Variants in CNTN5 observed in about 807,000 individuals in gnomAD.
CNTN5 encodes the protein contactin-5.
CNTN5 carries 77 observed loss-of-function variants against 129.1 expected under a neutral mutation model. The ratio of observed to expected loss-of-function variants is 0.60; its 90% CI spans 0.50 to 0.72. The LOEUF is 0.72. Ranked by LOEUF, CNTN5 falls within the 30% of genes least tolerant of loss-of-function variation. CNTN5 has a pLI of 0.00. For missense variants in CNTN5, 1,478 were observed against 1,328.8 expected (o/e 1.11, Z -1.75); for synonymous variants, 509 against 465.6 (o/e 1.09, Z -1.20).
intron 1 of CNTN5, among the ~76,000 whole-genome samples, chr11:99,246,834 A>T (rs1861836927): frequency 6.6e-6 from 1 of 152,176 alleles, no homozygotes; most frequent in Non-Finnish European, 1.5e-5. Flanking sequence ...TACTAATCAT[A>T]GGCTAGTCTC....
chr11:99,078,287 T>A (rs1865656353), intron 1 of CNTN5, among the ~76,000 whole-genome samples: 1 of 152,190 alleles, frequency 6.6e-6, no homozygotes, highest in Non-Finnish European at 1.5e-5. Context: ...GAATAGATAT[T>A]TTAAATTGTT....
intron 3 of CNTN5, among the ~76,000 whole-genome samples, chr11:99,588,733 C>A (rs1413247443): frequency 1.3e-5 from 2 of 152,240 alleles, no homozygotes; most frequent in East Asian, 3.9e-4. Context: ...TATTTACCTT[C>A]AGAAATCAGG....
chr11:100,003,788 C>T (rs1282314861), intron 9 of CNTN5: 1 of 152,006 alleles, frequency 6.6e-6, no homozygotes, highest in Admixed American at 6.6e-5. Flanking sequence ...TCTTTGCTAC[C>T]CAACTCTCAA....
intron 1 of CNTN5, among the ~76,000 whole-genome samples, chr11:99,293,046 TAAG>T (rs1372284434): frequency 2.0e-5 from 3 of 152,198 alleles, no homozygotes; most frequent in African/African-American, 7.2e-5. Flanking sequence ...CACCATTCAA[TAAG>T]AAGTTAACTG....
At chr11:99,981,467 G>T (rs1938345784) in intron 8 of CNTN5, among the ~76,000 whole-genome samples, 1 of 152,078 alleles carries the variant, frequency 6.6e-6, no homozygotes, top group Non-Finnish European at 1.5e-5. Context: ...ATTGAATGGT[G>T]CCTGCCTACA....
chr11:99,635,611 A>G (rs1009490779), intron 3 of CNTN5, among the ~76,000 whole-genome samples: 9 of 152,098 alleles, frequency 5.9e-5, no homozygotes, highest in South Asian at 2.1e-4. Flanking sequence ...TTTGAATCCC[A>G]GGGATGTGGT....
intron 3 of CNTN5, among the ~76,000 whole-genome samples, chr11:99,560,179 A>G (rs1948794581): frequency 1.3e-5 from 2 of 152,064 alleles, no homozygotes; most frequent in South Asian, 4.1e-4. Context: ...AGCATGGAGT[A>G]AACCATAATG....
At chr11:100,305,540 G>T (rs1319288392) in intron 20 of CNTN5, among the ~76,000 whole-genome samples, 1 of 151,680 alleles carries the variant, frequency 6.6e-6, no homozygotes, top group East Asian at 2.0e-4. Flanking sequence ...TATGACTAAA[G>T]ACCCACTGCC....
chr11:99,469,695 C>T (rs542041587), intron 2 of CNTN5, among the ~76,000 whole-genome samples: 2 of 152,034 alleles, frequency 1.3e-5, no homozygotes, highest in Non-Finnish European at 2.9e-5. Context: ...CTTTGTAGTG[C>T]TAGTTTTGTC....
chr11:99,868,435 T>C (rs987604897), intron 6 of CNTN5, among the ~76,000 whole-genome samples: 3 of 152,180 alleles, frequency 2.0e-5, no homozygotes, highest in African/African-American at 7.2e-5. Context: ...CATCCTCATT[T>C]TGTGTTGATA....
At chr11:99,209,628 C>A (rs1364309637) in intron 1 of CNTN5, among the ~76,000 whole-genome samples, 1 of 152,118 alleles carries the variant, frequency 6.6e-6, no homozygotes, top group Non-Finnish European at 1.5e-5. Flanking sequence ...AGAGAACAAA[C>A]ATCAAAACCA....
chr11:99,433,210 C>G (rs1943460727), intron 2 of CNTN5, among the ~76,000 whole-genome samples: 1 of 151,982 alleles, frequency 6.6e-6, no homozygotes. Flanking sequence ...GCAGAGAAAG[C>G]AAGGTCCTCT....
intron 9 of CNTN5, among the ~76,000 whole-genome samples, chr11:100,024,805 T>G (rs1019587884): frequency 1.3e-5 from 2 of 152,180 alleles, no homozygotes; most frequent in Admixed American, 1.3e-4. Context: ...AGCACAATGT[T>G]CAAGAGGTGA....
At chr11:100,178,800 C>A (rs1196461595) in intron 13 of CNTN5, among the ~76,000 whole-genome samples, 2 of 152,136 alleles carry the variant, frequency 1.3e-5, no homozygotes, top group Non-Finnish European at 2.9e-5. Context: ...CTATCTTGGT[C>A]ACTGGAGAGG....
chr11:100,041,497 T>G (rs1347258127), intron 9 of CNTN5, among the ~76,000 whole-genome samples: 1 of 152,218 alleles, frequency 6.6e-6, no homozygotes, highest in Admixed American at 6.5e-5. Flanking sequence ...TTCTCTTGGC[T>G]ACTTTCAAAC....
intron 9 of CNTN5, among the ~76,000 whole-genome samples, chr11:100,041,154 C>T (rs1161138828): frequency 6.6e-6 from 1 of 152,140 alleles, no homozygotes; most frequent in Non-Finnish European, 1.5e-5. Flanking sequence ...CTCTTTTTCT[C>T]TCACAGCTCC....
intron 2 of CNTN5, among the ~76,000 whole-genome samples, chr11:99,390,689 A>T (rs1049354811): frequency 1.4e-4 from 22 of 152,128 alleles, no homozygotes; most frequent in Admixed American, 3.9e-4. Flanking sequence ...TTCGTTCTTA[A>T]ATAAACTGAA....
chr11:100,038,218 G>T (rs747418966), intron 9 of CNTN5, among the ~76,000 whole-genome samples: 4 of 152,016 alleles, frequency 2.6e-5, no homozygotes, highest in South Asian at 2.1e-4. Context: ...CCTTCATTTC[G>T]TTATGTACCC....
rs749751634 is a variant in CNTN5 at position 99,355,554 on chromosome 11, C to T, written c.-71+30070C>T. Among the ~76,000 whole-genome samples, 3 of 152,032 alleles carry T rather than the reference C, an allele frequency of 2.0e-5. No individual in the cohort carries two copies. The South Asian group carries it at 6.2e-4, about 32-fold the overall frequency. On this transcript the variant is annotated intron_variant, in intron 2 of 24. Transcript: ENST00000524871. ...TTTCTCTTTGACACACACCACAGGG[C>T]GTTCTGTGGATGATGGTGGTGGAGG...
Sources: allele counts gnomAD v4.1 joint callset (sites outside exome capture counted in the v4.1 genomes callset), GRCh38; gene constraint gnomAD v4.1.1; transcripts MANE v1.5; gene names NCBI Gene and HGNC (gene_info 2026-07-23, HGNC 2026-07-21).